The following PI4K2B variants were observed in gnomAD, a reference collection of about 807,000 sequenced individuals.
The protein encoded by PI4K2B is phosphatidylinositol 4-kinase type 2 beta.
PI4K2B carries 46 observed loss-of-function variants against 56.6 expected under a neutral mutation model. The observed-to-expected ratio is 0.81, with a 90% confidence interval of 0.64 to 1.04. PI4K2B has a LOEUF of 1.04. PI4K2B is among the 50% of genes least tolerant of loss of function. PI4K2B has a pLI of 0.00. For synonymous variants in PI4K2B, 211 were observed against 223.8 expected (o/e 0.94, Z 0.51); for missense variants, 556 against 607.7 (o/e 0.91, Z 0.89).
intron 7 of PI4K2B, among the ~76,000 whole-genome samples, chr4:25,268,058 C>A (rs1716729968): frequency 6.6e-6 from 1 of 152,046 alleles, no homozygotes; most frequent in Non-Finnish European, 1.5e-5. Context: ...TGCACTCCAG[C>A]CTGGGTGACA....
intron 1 of PI4K2B, among the ~76,000 whole-genome samples, chr4:25,246,035 G>A (rs1390516175): frequency 2.0e-5 from 3 of 152,066 alleles, no homozygotes; most frequent in East Asian, 1.9e-4. Flanking sequence ...TCTGATGTTC[G>A]GATGTGTTCG....
At chr4:25,263,887 C>T in intron 7 of PI4K2B, 38 bp downstream of exon 7, 1 of 867,602 alleles carries the variant, frequency 1.2e-6, no homozygotes, top group Non-Finnish European at 1.8e-6. Context: ...CTATAATTAC[C>T]TTTTTTCCAG....
At chr4:25,235,716 C>T (rs190641528) in intron 1 of PI4K2B, among the ~76,000 whole-genome samples, 1 of 152,300 alleles carries the variant, frequency 6.6e-6, no homozygotes, top group African/African-American at 2.4e-5. Flanking sequence ...TGTAAAATAG[C>T]TAGCTTGCCT....
At chr4:25,255,671 C>T (rs990275765) in intron 3 of PI4K2B, among the ~76,000 whole-genome samples, 2 of 152,204 alleles carry the variant, frequency 1.3e-5, no homozygotes, top group Middle Eastern at 3.2e-3. Flanking sequence ...CTGTGTTGCC[C>T]AGACTGGCCT....
At position 25,269,432 on chromosome 4, in the gene PI4K2B, T is replaced by A. The variant is rs375376395; in HGVS notation, c.1272+229T>A. On this transcript the variant is annotated intron_variant, in intron 9 of 9. Transcript: ENST00000264864. ...CGGGTGAATCACCTGAGGTCAGGAG[T>A]TCGAGACCAGCCTGGCCAACATGGT... Among the ~76,000 whole-genome samples, 6 of 151,894 alleles carry A rather than the reference T, an allele frequency of 4.0e-5. No homozygotes were observed. In the East Asian group the frequency reaches 5.9e-4, roughly 15 times the overall value.
At chr4:25,273,344 A>G (rs1451746228) in intron 9 of PI4K2B, among the ~76,000 whole-genome samples, 1 of 152,222 alleles carries the variant, frequency 6.6e-6, no homozygotes, top group East Asian at 1.9e-4. Context: ...AGAAATAATA[A>G]CTAAAACTTT....
chr4:25,267,933 A>G (rs745651363), intron 7 of PI4K2B: 9 of 919,796 alleles, frequency 9.8e-6, no homozygotes, highest in South Asian at 1.0e-4. Context: ...GTGGTATTCA[A>G]TCTGTGCCCG....
At chr4:25,264,081 A>C (rs956242708) in intron 7 of PI4K2B, among the ~76,000 whole-genome samples, 1 of 152,220 alleles carries the variant, frequency 6.6e-6, no homozygotes, top group African/African-American at 2.4e-5. Flanking sequence ...TTATCCTTGG[A>C]AAATGAGTTT....
At chr4:25,269,742 C>CT (rs1211543289) in intron 9 of PI4K2B, among the ~76,000 whole-genome samples, 1 of 151,156 alleles carries the variant, frequency 6.6e-6, no homozygotes, top group Non-Finnish European at 1.5e-5. Flanking sequence ...GAGACAGAGT[C>CT]TCGCTCTGTA....
intron 9 of PI4K2B, among the ~76,000 whole-genome samples, chr4:25,270,646 C>T (rs1417177078): frequency 6.6e-6 from 1 of 152,052 alleles, no homozygotes; most frequent in Non-Finnish European, 1.5e-5. Context: ...GTGCCCAGCC[C>T]CTCCTCACCT....
chr4:25,246,099 G>A (rs376955316), intron 1 of PI4K2B, among the ~76,000 whole-genome samples: 1 of 152,156 alleles, frequency 6.6e-6, no homozygotes, highest in Admixed American at 6.5e-5. Flanking sequence ...GAGTGAAGCT[G>A]CAGACCTTCG....
At chr4:25,242,896 A>G (rs1715587298) in intron 1 of PI4K2B, among the ~76,000 whole-genome samples, 1 of 152,210 alleles carries the variant, frequency 6.6e-6, no homozygotes. Context: ...CCCTATATTC[A>G]TGCAGATAAC....
chr4:25,272,941 T>C (rs1312839301), intron 9 of PI4K2B, among the ~76,000 whole-genome samples: 2 of 152,220 alleles, frequency 1.3e-5, no homozygotes, highest in African/African-American at 4.8e-5. Flanking sequence ...AAAATACTTG[T>C]GTTATTTCTG....
At position 25,258,552 on chromosome 4, in the gene PI4K2B, G is replaced by A. The variant is rs576215280; in HGVS notation, c.757-485G>A. 10 of 458,618 alleles carry A rather than the reference G, an allele frequency of 2.2e-5. No homozygotes were observed. In the South Asian group the frequency reaches 8.6e-4, roughly 40 times the overall value. The allele number at this position is 458,618 out of a possible 1,614,324, so 28.4% of individuals were successfully genotyped here. A position where few individuals can be genotyped will look rare whatever the true frequency, so the allele number is the denominator to read the frequency against. ...TAAAATAATTTATTTAGAATTCAAA[G>A]AAAGAGTCTTAACAACTAAAAAAAA... On this transcript the variant is annotated intron_variant, in intron 4 of 9. Coordinates refer to ENST00000264864, the MANE Select transcript of PI4K2B (RefSeq NM_018323.4).
chr4:25,249,567 C>G (rs1715955104), intron 1 of PI4K2B, among the ~76,000 whole-genome samples: 1 of 145,830 alleles, frequency 6.9e-6, no homozygotes. Context: ...CGGAGGGGCT[C>G]CTCACTTCCC....
At chr4:25,238,298 A>G (rs1715354202) in intron 1 of PI4K2B, among the ~76,000 whole-genome samples, 1 of 152,370 alleles carries the variant, frequency 6.6e-6, no homozygotes, top group South Asian at 2.1e-4. Flanking sequence ...GACAAAGGGT[A>G]GCCTGTCACA....
rs566023324 is a variant in PI4K2B, at chr4:25,271,176, A to C, written c.1272+1973A>C. On this transcript the variant is annotated intron_variant, in intron 9 of 9. Coordinates refer to ENST00000264864, the MANE Select transcript of PI4K2B (RefSeq NM_018323.4). ...TCATGAGTTTTAAGTAGTTAAGTGA[A>C]GGCTCGAGAAATAGAATGGAGCCAG... Among the ~76,000 whole-genome samples the C allele has an allele frequency of 3.2e-3, 480 of 152,364 alleles. 3 individuals carry two copies. The highest frequency in any genetic ancestry group is 8.3e-3 in the South Asian group (40 of 4,830).
intron 1 of PI4K2B, among the ~76,000 whole-genome samples, chr4:25,237,898 A>G (rs1010734136): frequency 6.6e-6 from 1 of 152,216 alleles, no homozygotes; most frequent in African/African-American, 2.4e-5. Flanking sequence ...AAAGAAAAAA[A>G]GAAAAAGCAC....
intron 6 of PI4K2B, 23 bp downstream of exon 6, chr4:25,260,614 A>G (rs909624342): frequency 4.4e-6 from 1 of 228,320 alleles, no homozygotes. Context: ...ACAATTTTAT[A>G]TATATATATA....
Sources: allele counts gnomAD v4.1 joint callset (sites outside exome capture counted in the v4.1 genomes callset), GRCh38; gene constraint gnomAD v4.1.1; transcripts MANE v1.5; gene names NCBI Gene and HGNC (gene_info 2026-07-23, HGNC 2026-07-21).